The following KIF1B variants were observed in gnomAD, a reference collection of about 807,000 sequenced individuals.
KIF1B encodes the protein kinesin family member 1B, also known as kinesin-like protein KIF1B.
A neutral mutation model predicts 241.9 loss-of-function variants in KIF1B; 76 were observed. That is an observed-to-expected ratio of 0.31 (90% CI 0.26 to 0.38). The LOEUF (loss-of-function observed/expected upper bound fraction) is 0.38, where lower values mean the gene tolerates loss of function less well. Among genes scored for constraint, KIF1B ranks in the 10% least tolerant of loss-of-function variants. KIF1B has a pLI of 1.00. For synonymous variants in KIF1B, 750 were observed against 796.7 expected (o/e 0.94, Z 0.99); for missense variants, 1,622 against 2,271.4 (o/e 0.71, Z 5.81).
chr1:10,363,175 T>G, intron 40 of KIF1B, 108 bp from the exon 41 acceptor site: 1 of 793,072 alleles, frequency 1.3e-6, no homozygotes, highest in Non-Finnish European at 2.1e-6. Flanking sequence ...TGCCTGGAAT[T>G]ATATTTGAGT....
intron 2 of KIF1B, among the ~76,000 whole-genome samples, chr1:10,234,138 G>A (rs116053351): frequency 2.1e-3 from 321 of 152,020 alleles, no homozygotes; most frequent in African/African-American, 7.4e-3. Context: ...CCCTTCTATC[G>A]GATTTGCAAG....
chr1:10,211,474 T>TTC (rs1646692496), intron 1 of KIF1B: 1 of 152,196 alleles, frequency 6.6e-6, no homozygotes, highest in African/African-American at 2.4e-5. Flanking sequence ...TTCAGCCGAC[T>TTC]GGGATTACTC....
chr1:10,334,604 G>A lies in KIF1B; in HGVS notation c.3009G>A (p.Arg1003=), dbSNP rs1162738316. Residue 1003 remains arginine, a synonymous_variant, in exon 28 of 49, where the codon CGG becomes CGA. Coordinates refer to ENST00000676179, the MANE Select transcript of KIF1B (RefSeq NM_001365951.3). ...TCGTCAGTGAGAAAGGTGAAGTGCG[G>A]GGATTTCTGCGTGTGGCTGTACAGG... ...VAIVSEKGEV[R]GFLRVAVQAI... is the part of the protein sequence containing the mutation. 6.2e-7 allele frequency: 1 copy of A among 1,613,932 alleles called. No homozygotes were observed. The highest frequency in any genetic ancestry group is 1.7e-5 in the Admixed American group (1 of 60,008).
chr1:10,268,228 A>G lies in KIF1B; in HGVS notation c.685A>G (p.Lys229Glu). The G allele has an allele frequency of 6.2e-7, 1 of 1,613,686 alleles. No individual in the cohort carries two copies. The highest frequency in any genetic ancestry group is 8.5e-7 in the Non-Finnish European group (1 of 1,179,594). Reference sequence around the variant, plus strand: ...GTTTACGATTGTTTTCACCCAGAAGAAACACGATAATGAGACCAACCTTTC... The same window carrying G: ...GTTTACGATTGTTTTCACCCAGAAGGAACACGATAATGAGACCAACCTTTC... The part of the protein sequence containing the change: ...AVFTIVFTQK[K>E]HDNETNLSTE... The change falls in exon 7 of 49, where the codon AAA becomes GAA. Residue 229 changes from lysine (K) to glutamate (E), a missense_variant. Lys to Glu is a moderately conservative substitution (Grantham distance 56). Coordinates refer to ENST00000676179, the MANE Select transcript of KIF1B (RefSeq NM_001365951.3).
intron 3 of KIF1B, among the ~76,000 whole-genome samples, chr1:10,257,766 C>T (rs2102185089): frequency 6.6e-6 from 1 of 152,210 alleles, no homozygotes; most frequent in African/African-American, 2.4e-5. Context: ...ACCTACACCT[C>T]CTGGGTTCAA....
rs543652415 is a variant in KIF1B, at chr1:10,221,344, C to T, written c.-80+10466C>T. Among the ~76,000 whole-genome samples the T allele has an allele frequency of 4.5e-4, 69 of 152,218 alleles. 1 individual carries two copies. The highest frequency in any genetic ancestry group is 1.3e-3 in the African/African-American group (56 of 41,530). On this transcript the variant is annotated intron_variant, in intron 1 of 48. Transcript: ENST00000676179. Reference sequence around the variant, plus strand: ...AACTCCTGACCTCAAATGATCTGTCCGCTTCGGCCTCCCAAAGGGCTGGGA... The same window carrying T: ...AACTCCTGACCTCAAATGATCTGTCTGCTTCGGCCTCCCAAAGGGCTGGGA...
intron 44 of KIF1B, among the ~76,000 whole-genome samples, chr1:10,369,222 A>C (rs1029861963): frequency 6.6e-6 from 1 of 152,172 alleles, no homozygotes; most frequent in Non-Finnish European, 1.5e-5. Context: ...TGCTTTTTAA[A>C]GTGTTTGTTG....
chr1:10,359,351 A>G (rs1028680361), intron 38 of KIF1B, among the ~76,000 whole-genome samples: 3 of 152,168 alleles, frequency 2.0e-5, no homozygotes, highest in African/African-American at 7.2e-5. Context: ...AGAACTAGTG[A>G]TGGTGGGGCA....
intron 23 of KIF1B, among the ~76,000 whole-genome samples, chr1:10,320,464 G>C (rs1417824146): frequency 2.6e-5 from 4 of 152,188 alleles, no homozygotes; most frequent in Non-Finnish European, 5.9e-5. Flanking sequence ...CAAATATAGA[G>C]CTGAATCTTT....
chr1:10,220,815 G>T (rs1378314384), intron 1 of KIF1B, among the ~76,000 whole-genome samples: 1 of 151,084 alleles, frequency 6.6e-6, no homozygotes, highest in Non-Finnish European at 1.5e-5. Flanking sequence ...GGTGCCTGCC[G>T]CCAAGCCCAG....
At chr1:10,309,283 C>T (rs1033145493) in intron 22 of KIF1B, among the ~76,000 whole-genome samples, 1 of 152,224 alleles carries the variant, frequency 6.6e-6, no homozygotes, top group Non-Finnish European at 1.5e-5. Context: ...CTTCCAGCCT[C>T]ATACCCTTTT....
chr1:10,273,709 CAAAAAAAAAAAAAAAA>C (rs56349613), intron 10 of KIF1B, among the ~76,000 whole-genome samples: 23 of 49,580 alleles, frequency 4.6e-4, no homozygotes, highest in Non-Finnish European at 7.2e-4. Flanking sequence ...TCCTCCTCCT[CAAAAAAAAAAAAAAAA>C]AAAAAAAAAA....
chr1:10,286,210 T>A (rs1353353561), intron 15 of KIF1B, among the ~76,000 whole-genome samples: 3 of 152,228 alleles, frequency 2.0e-5, no homozygotes, highest in Non-Finnish European at 4.4e-5. Context: ...TGGCTAATTT[T>A]TGTATTTTTA....
At chr1:10,327,006 G>T (rs1651747556) in intron 27 of KIF1B, among the ~76,000 whole-genome samples, 1 of 152,150 alleles carries the variant, frequency 6.6e-6, no homozygotes, top group East Asian at 1.9e-4. Flanking sequence ...AACCTATAGG[G>T]TTTATAATGA....
intron 10 of KIF1B, among the ~76,000 whole-genome samples, chr1:10,273,733 A>C (rs1161682919): frequency 2.3e-5 from 2 of 88,290 alleles, no homozygotes; most frequent in Non-Finnish European, 5.9e-5. Context: ...AAAAAAAAAA[A>C]AAAAAACCCA....
At position 10,365,749 on chromosome 1, in the gene KIF1B, G is replaced by T; in HGVS notation, c.4752+101G>T. 1 of 1,492,910 alleles carries T rather than the reference G, an allele frequency of 6.7e-7. No individual in the cohort carries two copies. The highest frequency in any genetic ancestry group is 9.2e-7 in the Non-Finnish European group (1 of 1,082,454). 92.5% of individuals were successfully genotyped at this position (1,492,910 alleles called of 1,614,324 possible). The stretch of plus-strand genomic sequence containing the variant: ...AACACCTTTGTTCGAGGTGTTTGAA[G>T]GCCTGTGATAATACTGTGAATGTAG... On this transcript the variant is annotated intron_variant, in intron 43 of 48. Coordinates refer to ENST00000676179, the MANE Select transcript of KIF1B (RefSeq NM_001365951.3). The surrounding 1 kb of genome is among the most constrained non-coding windows in gnomAD (Gnocchi z 4.0).
intron 1 of KIF1B, among the ~76,000 whole-genome samples, chr1:10,213,550 G>A (rs1180407217): frequency 6.6e-6 from 1 of 152,078 alleles, no homozygotes; most frequent in African/African-American, 2.4e-5. Flanking sequence ...CTGCCTTCCT[G>A]TTTGTAATCC....
chr1:10,303,629 A>G lies in KIF1B; in HGVS notation c.2115+6383A>G. 1.9e-6 allele frequency: 3 copies of G among 1,614,230 alleles called. No individual in the cohort carries two copies. Among genetic ancestry groups the G allele is most frequent in the Non-Finnish European group, 2.5e-6 (3 of 1,180,046 alleles). On this transcript the variant is annotated intron_variant, in intron 22 of 48. Coordinates refer to ENST00000676179, the MANE Select transcript of KIF1B (RefSeq NM_001365951.3). This position sits in a 1 kb window ranked among gnomAD's most constrained non-coding sequence, Gnocchi z 5.2. ...ATGGCCACTGGGAAAGGCAGCACTG[A>G]TGTAGATGACCTCAAGGTTCATATA...
intron 1 of KIF1B, among the ~76,000 whole-genome samples, chr1:10,216,952 ATTTTCTTTTTTTTTT>A (rs1646775419): frequency 1.4e-5 from 1 of 73,808 alleles, no homozygotes; most frequent in African/African-American, 5.3e-5. Context: ...GTACTTGCCC[ATTTTCTTTTTTTTTT>A]TTTTTTTTTT....
Sources: allele counts gnomAD v4.1 joint callset (sites outside exome capture counted in the v4.1 genomes callset), GRCh38; gene constraint gnomAD v4.1.1; non-coding constraint Gnocchi (gnomAD v3.1); transcripts MANE v1.5; gene names NCBI Gene and HGNC (gene_info 2026-07-23, HGNC 2026-07-21).